The following LEF1 variants were observed in gnomAD, a reference collection of about 807,000 sequenced individuals.
LEF1 encodes lymphoid enhancer binding factor 1.
In LEF1, 14 loss-of-function variants were observed where a neutral mutation model predicts 51.2. The ratio of observed to expected loss-of-function variants is 0.27; its 90% CI spans 0.18 to 0.43. LEF1 has a LOEUF of 0.43. Among genes scored for constraint, LEF1 ranks in the 20% least tolerant of loss-of-function variants. The pLI, the probability that LEF1 is intolerant of heterozygous loss-of-function variation, is 1.00. For missense variants in LEF1, 386 were observed against 512.0 expected, an observed-to-expected ratio of 0.75 and a Z score of 2.37; for synonymous variants, 185 against 183.2, an observed-to-expected ratio of 1.01 and a Z score of -0.08.
chr4:108,074,884 T>G (rs1275449201), intron 8 of LEF1, among the ~76,000 whole-genome samples: 1 of 152,234 alleles, frequency 6.6e-6, no homozygotes. Context: ...CCTCACTCTC[T>G]GTATTCAGCA....
intron 11 of LEF1, among the ~76,000 whole-genome samples, chr4:108,051,072 T>C (rs771683134): frequency 6.6e-6 from 1 of 152,226 alleles, no homozygotes; most frequent in Non-Finnish European, 1.5e-5. Flanking sequence ...AAGGATAGTA[T>C]GTCACTTGCC....
chr4:108,138,322 C>G (rs1743424867), intron 3 of LEF1, among the ~76,000 whole-genome samples: 1 of 152,112 alleles, frequency 6.6e-6, no homozygotes. Context: ...CAAGTATGCT[C>G]TGTATTTGCA....
At chr4:108,154,842 A>T (rs1265740738) in intron 3 of LEF1, among the ~76,000 whole-genome samples, 2 of 152,206 alleles carry the variant, frequency 1.3e-5, no homozygotes, top group African/African-American at 2.4e-5. Flanking sequence ...AGCTGCATCC[A>T]ATATATAAAT....
At chr4:108,110,661 A>G (rs746074138) in intron 3 of LEF1, among the ~76,000 whole-genome samples, 1 of 152,160 alleles carries the variant, frequency 6.6e-6, no homozygotes, top group Non-Finnish European at 1.5e-5. Context: ...GTATGCGACA[A>G]GACTGACAGA....
chr4:108,155,571 T>C (rs1744637522), intron 3 of LEF1, among the ~76,000 whole-genome samples: 1 of 152,228 alleles, frequency 6.6e-6, no homozygotes, highest in African/African-American at 2.4e-5. Context: ...GCACTTCTTA[T>C]AGCTGCAGAA....
intron 2 of LEF1, 115 bp from the exon 3 acceptor site, chr4:108,163,816 GT>G: frequency 9.2e-7 from 1 of 1,081,110 alleles, no homozygotes; most frequent in Non-Finnish European, 1.3e-6. Flanking sequence ...TAAAAGATTT[GT>G]TTACAAAATA....
chr4:108,120,029 GTGTATGTA>G (rs1222531051), intron 3 of LEF1, among the ~76,000 whole-genome samples: 2 of 111,880 alleles, frequency 1.8e-5, no homozygotes, highest in African/African-American at 5.9e-5. Context: ...GTGTGTGTGT[GTGTATGTA>G]TGTATATATT....
intron 3 of LEF1, among the ~76,000 whole-genome samples, chr4:108,123,945 C>A (rs1278561960): frequency 6.6e-6 from 1 of 152,020 alleles, no homozygotes; most frequent in Admixed American, 6.6e-5. Flanking sequence ...AGTTCAAGAC[C>A]AGCTTGGACA....
At position 108,066,419 on chromosome 4, in the gene LEF1, G is replaced by A. The variant is rs186028277; in HGVS notation, c.1117-2035C>T. On this transcript the variant is annotated intron_variant, in intron 9 of 11. Coordinates refer to ENST00000265165, the MANE Select transcript of LEF1 (RefSeq NM_016269.5). ...TGGTCCATCCCTCAGGCAGAGCTGG[G>A]GCTCTTCTTCCTCGCTCCCTATGAC... 2.6e-5 allele frequency among the ~76,000 whole-genome samples: 4 copies of A among 152,254 alleles called. No individual in the cohort carries two copies. In the East Asian group the frequency reaches 7.7e-4, roughly 29 times the overall value.
At chr4:108,056,521 C>T (rs909795777) in intron 11 of LEF1, among the ~76,000 whole-genome samples, 12 of 152,186 alleles carry the variant, frequency 7.9e-5, no homozygotes, top group African/African-American at 1.2e-4. Flanking sequence ...CTGCAGTCCA[C>T]GCATAACTGA....
At chr4:108,153,184 G>C (rs1010752478) in intron 3 of LEF1, among the ~76,000 whole-genome samples, 1 of 152,222 alleles carries the variant, frequency 6.6e-6, no homozygotes, top group Non-Finnish European at 1.5e-5. Flanking sequence ...CAGGAACTGA[G>C]CAAGGACAGA....
At chr4:108,150,672 C>T (rs184393913) in intron 3 of LEF1, among the ~76,000 whole-genome samples, 7 of 152,260 alleles carry the variant, frequency 4.6e-5, no homozygotes, top group East Asian at 1.9e-4. Flanking sequence ...CTGAAAATAC[C>T]TGACTTTGAA....
chr4:108,064,238 C>G lies in LEF1; in HGVS notation c.1165+98G>C, dbSNP rs546411976. ...AGCAGAGTTAAAGCATCATAAGTTA[C>G]AGTCACAGAAGAAAGCAGTGTGTAG... On this transcript the variant is annotated intron_variant, in intron 10 of 11. Transcript: ENST00000265165. 55 of 732,874 alleles carry G rather than the reference C, an allele frequency of 7.5e-5. No individual in the cohort carries two copies. In the African/African-American group the frequency reaches 9.6e-4, roughly 13 times the overall value. The allele number at this position is 732,874 out of a possible 1,614,324, so 45.4% of individuals were successfully genotyped here. A position where few individuals can be genotyped will look rare whatever the true frequency, so the allele number is the denominator to read the frequency against.
chr4:108,135,172 A>G (rs1455072355), intron 3 of LEF1, among the ~76,000 whole-genome samples: 1 of 152,174 alleles, frequency 6.6e-6, no homozygotes, highest in Non-Finnish European at 1.5e-5. Context: ...TCAAGACGCT[A>G]TTAAGACTCT....
intron 3 of LEF1, among the ~76,000 whole-genome samples, chr4:108,092,209 AT>A (rs1740070504): frequency 6.6e-6 from 1 of 152,186 alleles, no homozygotes; most frequent in African/African-American, 2.4e-5. Context: ...GAAGCCGAGG[AT>A]TTTAATTTAA....
At chr4:108,142,258 C>G (rs1323082471) in intron 3 of LEF1, among the ~76,000 whole-genome samples, 1 of 152,172 alleles carries the variant, frequency 6.6e-6, no homozygotes, top group East Asian at 1.9e-4. Flanking sequence ...CAGATACTTG[C>G]ATTTGTAAGA....
intron 3 of LEF1, among the ~76,000 whole-genome samples, chr4:108,089,692 G>A (rs1578329019): frequency 6.6e-6 from 1 of 152,140 alleles, no homozygotes; most frequent in East Asian, 1.9e-4. Flanking sequence ...ACTGTCCAAT[G>A]AGCAAATAAA....
At chr4:108,148,969 A>G (rs1295134291) in intron 3 of LEF1, among the ~76,000 whole-genome samples, 1 of 152,226 alleles carries the variant, frequency 6.6e-6, no homozygotes, top group African/African-American at 2.4e-5. Flanking sequence ...GAATTTTCTT[A>G]TATTAAGTAG....
intron 11 of LEF1, among the ~76,000 whole-genome samples, chr4:108,059,163 G>A (rs1036133425): frequency 6.6e-6 from 1 of 152,166 alleles, no homozygotes. Flanking sequence ...ATTTTTTAAT[G>A]CTCAAAAGTA....
Sources: gnomAD v4.1 joint callset for allele counts (sites outside exome capture counted in the v4.1 genomes callset) on GRCh38, gnomAD v4.1.1 for gene constraint, MANE v1.5 for transcripts, NCBI Gene and HGNC (gene_info 2026-07-23, HGNC 2026-07-21) for gene names.